EDIL3: variants seen among roughly 807,000 people sequenced by gnomAD.
The protein encoded by EDIL3 is EGF-like repeat and discoidin I-like domain-containing protein 3.
EDIL3 carries 37 observed loss-of-function variants against 67.4 expected under a neutral mutation model. That is an observed-to-expected ratio of 0.55 (90% CI 0.42 to 0.72). EDIL3 has a LOEUF of 0.72. EDIL3 is among the 30% of genes least tolerant of loss of function. The pLI is 0.00. For synonymous variants in EDIL3, 195 were observed against 196.3 expected (o/e 0.99, Z 0.05); for missense variants, 527 against 586.3 (o/e 0.90, Z 1.04).
intron 2 of EDIL3, among the ~76,000 whole-genome samples, chr5:84,239,649 T>C (rs1016679580): frequency 1.3e-5 from 2 of 152,220 alleles, no homozygotes; most frequent in South Asian, 2.1e-4. Flanking sequence ...AAGGCAAGAT[T>C]AGTCAGAGGA....
In EDIL3 at chr5:84,371,319, G is replaced by GTATA. The variant is rs71607709; in HGVS notation, c.67+12985_67+12988dup. The stretch of plus-strand genomic sequence containing the variant: ...AGCAAGAGATACATATAGATAAAAA[G>GTATA]TATATATATATATATATATATATGT... On this transcript the variant is annotated intron_variant, in intron 1 of 10. Transcript: ENST00000296591. Among the ~76,000 whole-genome samples the GTATA allele has an allele frequency of 2.3e-3, 262 of 115,488 alleles. 3 individuals carry two copies. The highest frequency in any genetic ancestry group is 8.4e-3 in the South Asian group (30 of 3,564). The allele number at this position is 115,488 out of a possible 152,430, so 75.8% of individuals were successfully genotyped here. A position where few individuals can be genotyped will look rare whatever the true frequency, so the allele number is the denominator to read the frequency against.
intron 6 of EDIL3, among the ~76,000 whole-genome samples, chr5:84,081,415 A>C (rs1277419769): frequency 1.3e-5 from 2 of 152,230 alleles, no homozygotes; most frequent in Non-Finnish European, 2.9e-5. Flanking sequence ...AAGAAACAAG[A>C]GGAATAAAAA....
chr5:84,074,571 T>G (rs1746814107), intron 6 of EDIL3, among the ~76,000 whole-genome samples: 1 of 151,792 alleles, frequency 6.6e-6, no homozygotes, highest in African/African-American at 2.4e-5. Flanking sequence ...AAGAAGACAT[T>G]TATGCAGCCA....
chr5:84,345,298 A>T (rs115611041), intron 1 of EDIL3, among the ~76,000 whole-genome samples: 123 of 152,290 alleles, frequency 8.1e-4, no homozygotes, highest in African/African-American at 2.9e-3. Context: ...ATCTGAACAC[A>T]CTATTTTCCA....
intron 2 of EDIL3, among the ~76,000 whole-genome samples, chr5:84,251,220 C>A (rs961720093): frequency 6.6e-6 from 1 of 152,150 alleles, no homozygotes; most frequent in Admixed American, 6.6e-5. Flanking sequence ...TCAAGTGATT[C>A]TCCTGCCTCA....
chr5:84,138,035 C>T (rs1748126033), intron 4 of EDIL3, among the ~76,000 whole-genome samples: 2 of 152,162 alleles, frequency 1.3e-5, no homozygotes, highest in African/African-American at 2.4e-5. Context: ...ACTTTCCTTG[C>T]TAATTTTGGA....
chr5:83,968,361 A>T (rs916251839), intron 9 of EDIL3, among the ~76,000 whole-genome samples: 2 of 152,116 alleles, frequency 1.3e-5, no homozygotes, highest in African/African-American at 4.8e-5. Context: ...TTTACTAAAA[A>T]AATTTTAATT....
intron 6 of EDIL3, among the ~76,000 whole-genome samples, chr5:84,073,701 T>C (rs1490159764): frequency 1.3e-4 from 20 of 150,802 alleles, no homozygotes; most frequent in Admixed American, 4.0e-4. Flanking sequence ...TAAAAGAGGA[T>C]ACAAACAAAT....
intron 9 of EDIL3, among the ~76,000 whole-genome samples, chr5:84,040,912 G>A (rs1746108186): frequency 1.3e-5 from 2 of 152,080 alleles, no homozygotes; most frequent in African/African-American, 2.4e-5. Context: ...CCGATGGATC[G>A]CTTGAGCTCA....
At chr5:83,996,224 T>C (rs1166235947) in intron 9 of EDIL3, among the ~76,000 whole-genome samples, 1 of 152,222 alleles carries the variant, frequency 6.6e-6, no homozygotes, top group East Asian at 1.9e-4. Context: ...AAAGACTCAT[T>C]ACAGTGTTGA....
At chr5:84,200,389 G>C (rs753746082) in intron 3 of EDIL3, among the ~76,000 whole-genome samples, 49 of 148,642 alleles carry the variant, frequency 3.3e-4, no homozygotes, top group Non-Finnish European at 5.9e-4. Flanking sequence ...AACCAAACTT[G>C]ACATAAAAAT....
At chr5:84,013,298 C>G (rs1046212858) in intron 9 of EDIL3, among the ~76,000 whole-genome samples, 1 of 151,872 alleles carries the variant, frequency 6.6e-6, no homozygotes, top group African/African-American at 2.4e-5. Context: ...CAATAAGAAA[C>G]ATTGTTCCTT....
chr5:84,158,782 G>T lies in EDIL3; in HGVS notation c.356-21428C>A, dbSNP rs553201906. 1.2e-4 allele frequency among the ~76,000 whole-genome samples: 19 copies of T among 152,154 alleles called. No individual in the cohort carries two copies. The South Asian group carries it at 3.9e-3, about 32-fold the overall frequency. ...TACTTAAAAAACAAAACCTGTATTT[G>T]TGATAAGTTCTCTTAATTTTGGTAA... On this transcript the variant is annotated intron_variant, in intron 4 of 10. Transcript: ENST00000296591.
At chr5:84,250,391 G>T (rs1229036379) in intron 2 of EDIL3, among the ~76,000 whole-genome samples, 2 of 152,186 alleles carry the variant, frequency 1.3e-5, no homozygotes, top group Non-Finnish European at 2.9e-5. Context: ...AAGCAATGTT[G>T]TCTAGTGAAG....
At chr5:84,333,676 C>T (rs189964632) in intron 1 of EDIL3, among the ~76,000 whole-genome samples, 1 of 152,158 alleles carries the variant, frequency 6.6e-6, no homozygotes, top group East Asian at 1.9e-4. Flanking sequence ...AATTAATAAT[C>T]AAGTAGAATA....
At chr5:84,061,536 G>A (rs1345041439) in intron 8 of EDIL3, among the ~76,000 whole-genome samples, 1 of 152,016 alleles carries the variant, frequency 6.6e-6, no homozygotes, top group Non-Finnish European at 1.5e-5. Flanking sequence ...ATGACAAGAG[G>A]ACACTCCTCC....
At chr5:84,241,258 CA>C (rs2112058384) in intron 2 of EDIL3, among the ~76,000 whole-genome samples, 1 of 152,316 alleles carries the variant, frequency 6.6e-6, no homozygotes, top group South Asian at 2.1e-4. Context: ...GCTCAATACA[CA>C]TTTGTTAAAT....
chr5:84,145,494 G>A (rs891250223), intron 4 of EDIL3, among the ~76,000 whole-genome samples: 1 of 152,042 alleles, frequency 6.6e-6, no homozygotes, highest in Non-Finnish European at 1.5e-5. Flanking sequence ...GAGAACTCAA[G>A]AAGGGTGGAA....
chr5:84,184,317 G>T (rs2112361065), intron 3 of EDIL3, among the ~76,000 whole-genome samples: 1 of 152,292 alleles, frequency 6.6e-6, no homozygotes, highest in African/African-American at 2.4e-5. Context: ...GAAATAAAGG[G>T]AAGAGCTGGG....
Sources: allele counts gnomAD v4.1 joint callset (sites outside exome capture counted in the v4.1 genomes callset), GRCh38; gene constraint gnomAD v4.1.1; transcripts MANE v1.5; gene names NCBI Gene and HGNC (gene_info 2026-07-23, HGNC 2026-07-21).